Variants in ATIC observed in about 807,000 individuals in gnomAD.
ATIC encodes the protein bifunctional purine biosynthesis protein ATIC.
A neutral mutation model predicts 72.5 loss-of-function variants in ATIC; 64 were observed. The observed-to-expected ratio is 0.88, with a 90% CI of 0.72 to 1.09. ATIC has a LOEUF of 1.09. ATIC is among the 50% of genes least tolerant of loss of function. The probability of loss-of-function intolerance (pLI) is 0.00; values close to 1 mark genes in which losing one functional copy is unlikely to be tolerated. For synonymous variants in ATIC, 281 were observed against 267.1 expected (o/e 1.05, Z -0.51); for missense variants, 787 against 732.4 (o/e 1.07, Z -0.86).
Position 215,312,344 on chromosome 2 carries a change from G to GT in ATIC, c.20-153dup, listed in dbSNP as rs1246863405. The GT allele has an allele frequency of 2.6e-6, 4 of 1,512,978 alleles. No homozygotes were observed. In the African/African-American group the frequency reaches 4.1e-5, roughly 16 times the overall value. The allele number at this position is 1,512,978 out of a possible 1,614,324, so 93.7% of individuals were successfully genotyped here. ...GCCCGCCTTAGAGCAGCTCGCGGGT[G>GT]TAAGACCTGGGGAGGCCCGGACCAG... On this transcript the variant is annotated intron_variant, in intron 1 of 15. Coordinates refer to ENST00000236959, the MANE Select transcript of ATIC (RefSeq NM_004044.7).
chr2:215,317,877 G>T (rs140629301), intron 2 of ATIC, among the ~76,000 whole-genome samples: 3 of 152,130 alleles, frequency 2.0e-5, no homozygotes, highest in Admixed American at 2.0e-4. Context: ...TTATGATTCA[G>T]TTTCTAAATG....
chr2:215,359,945 T>A, the ATIC span, among the ~76,000 whole-genome samples: 2 of 152,200 alleles, frequency 1.3e-5, no homozygotes, highest in Non-Finnish European at 2.9e-5. Context: ...CATTTATTTA[T>A]TTATGTTTTT....
At chr2:215,317,146 G>A (rs1000170447) in intron 2 of ATIC, among the ~76,000 whole-genome samples, 6 of 152,166 alleles carry the variant, frequency 3.9e-5, no homozygotes, top group African/African-American at 1.2e-4. Context: ...TCGTGGTTAC[G>A]ACTTTCTAGG....
Position 215,312,103 on chromosome 2 carries a change from C to G in ATIC, c.-40C>G, listed in dbSNP as rs964627875. 2.0e-6 allele frequency: 3 copies of G among 1,530,316 alleles called. No individual in the cohort carries two copies. Among genetic ancestry groups the G allele is most frequent in the Non-Finnish European group, 2.6e-6 (3 of 1,144,802 alleles). 94.8% of individuals were successfully genotyped at this position (1,530,316 alleles called of 1,614,324 possible). A position where few individuals can be genotyped will look rare whatever the true frequency, so the allele number is the denominator to read the frequency against. ...CCTACCTGCGCACGTGGTGCCGCCG[C>G]TGCTGCCTCCCGCTCGCCCTGAACC... On this transcript the variant is annotated 5_prime_UTR_variant, in exon 1 of 16. Transcript: ENST00000236959.
rs142430116 is a variant in ATIC at position 215,324,458 on chromosome 2, AAG to A, written c.291-779_291-778del. On this transcript the variant is annotated intron_variant, in intron 4 of 15. Transcript: ENST00000236959. ...TGAGAGTTTTTGTGTGAAGATACCT[AAG>A]AGATACTGGTCTCTAGTTTTCTTGT... 5.9e-5 allele frequency among the ~76,000 whole-genome samples: 9 copies of A among 152,314 alleles called. No individual in the cohort carries two copies. In the East Asian group the frequency reaches 1.7e-3, roughly 29 times the overall value.
chr2:215,361,466 G>A, the ATIC span: 1 of 942,802 alleles, frequency 1.1e-6, no homozygotes, highest in Non-Finnish European at 1.8e-6. Context: ...AAAGAAAGAA[G>A]AACTCTAAGC....
chr2:215,355,617 C>T, the ATIC span, among the ~76,000 whole-genome samples: 1 of 148,572 alleles, frequency 6.7e-6, no homozygotes, highest in Non-Finnish European at 1.5e-5. Context: ...CATTTTTATA[C>T]CTTATTTTTG....
the ATIC span, among the ~76,000 whole-genome samples, chr2:215,357,338 G>C: frequency 6.6e-6 from 1 of 152,086 alleles, no homozygotes; most frequent in East Asian, 1.9e-4. Context: ...GGCACTTGAC[G>C]CCAGCCCCAG....
At chr2:215,356,466 C>T in the ATIC span, among the ~76,000 whole-genome samples, 35 of 152,126 alleles carry the variant, frequency 2.3e-4, no homozygotes, top group Admixed American at 2.0e-3. Flanking sequence ...ATTTATGTAA[C>T]GTAAAATTCA....
the ATIC span, chr2:215,360,392 G>C: frequency 6.6e-6 from 1 of 152,128 alleles, no homozygotes; most frequent in African/African-American, 2.4e-5. Flanking sequence ...TGTTAGATGG[G>C]GGTTATCATA....
At chr2:215,314,439 T>G (rs1297247930) in intron 2 of ATIC, among the ~76,000 whole-genome samples, 1 of 152,190 alleles carries the variant, frequency 6.6e-6, no homozygotes, top group African/African-American at 2.4e-5. Context: ...GTGAGGAAAT[T>G]AAGCACAACG....
At chr2:215,365,966 ATTTTTTTTT>A in the ATIC span, among the ~76,000 whole-genome samples, 3 of 90,338 alleles carry the variant, frequency 3.3e-5, no homozygotes, top group African/African-American at 4.7e-5. Context: ...CCACAGTGCT[ATTTTTTTTT>A]TTTTTTTTTT....
At chr2:215,321,654 T>G (rs942339291) in intron 4 of ATIC, among the ~76,000 whole-genome samples, 1 of 152,178 alleles carries the variant, frequency 6.6e-6, no homozygotes, top group African/African-American at 2.4e-5. Context: ...CTATCTGTCT[T>G]TTTGATTCTA....
At chr2:215,347,706 TG>T in intron 14 of ATIC, 1 of 479,012 alleles carries the variant, frequency 2.1e-6, no homozygotes, top group South Asian at 1.6e-5. Context: ...TTTTCAACTT[TG>T]ATACTTGGAT....
At chr2:215,346,581 C>G (rs2053072767) in intron 13 of ATIC, among the ~76,000 whole-genome samples, 178 bp from the exon 14 acceptor site, 1 of 151,758 alleles carries the variant, frequency 6.6e-6, no homozygotes, top group South Asian at 2.1e-4. Context: ...TAGTTATAAA[C>G]AAACCTCTTA....
chr2:215,344,828 A>G lies in ATIC; in HGVS notation c.1277A>G (p.Lys426Arg), dbSNP rs121434478. The G allele has an allele frequency of 2.0e-5, 33 of 1,613,922 alleles. No individual in the cohort carries two copies. Among genetic ancestry groups the G allele is most frequent in the Non-Finnish European group, 2.5e-5 (30 of 1,180,020 alleles). The change falls in exon 13 of 16, where the codon AAG becomes AGG. Residue 426 changes from lysine (K) to arginine (R), a missense_variant. Lys to Arg is a conservative substitution (Grantham distance 26). Coordinates refer to ENST00000236959, the MANE Select transcript of ATIC (RefSeq NM_004044.7). ...CTCATCGTAGCCACCATTGCTGTCAAGTACACTCAGTCTAACTCTGTGTGC... is the reference window on the plus strand; with the variant it reads ...CTCATCGTAGCCACCATTGCTGTCAGGTACACTCAGTCTAACTCTGTGTGC... ...RDLIVATIAV[K>R]YTQSNSVCYA...
the ATIC span, chr2:215,361,598 A>G: frequency 2.3e-5 from 37 of 1,612,674 alleles, no homozygotes; most frequent in Non-Finnish European, 3.1e-5. Flanking sequence ...ATCTAAAGGC[A>G]TGAAGCACTC....
chr2:215,362,403 T>TAGAA, the ATIC span: 3 of 338,172 alleles, frequency 8.9e-6, no homozygotes, highest in South Asian at 8.7e-5. Context: ...CACTAGATGA[T>TAGAA]AGAAAAGGTT....
intron 7 of ATIC, among the ~76,000 whole-genome samples, chr2:215,328,378 C>G (rs890798754): frequency 2.0e-5 from 3 of 152,160 alleles, no homozygotes; most frequent in African/African-American, 7.2e-5. Context: ...GCACTTTGCC[C>G]TGCCCCACAA....
Sources: allele counts gnomAD v4.1 joint callset (sites outside exome capture counted in the v4.1 genomes callset), GRCh38; gene constraint gnomAD v4.1.1; transcripts MANE v1.5; gene names NCBI Gene and HGNC (gene_info 2026-07-23, HGNC 2026-07-21).